The following CUX1 variants were observed in gnomAD, a reference collection of about 807,000 sequenced individuals.
CUX1 encodes cut like homeobox 1.
A neutral mutation model predicts 158.8 loss-of-function variants in CUX1; 31 were observed. The ratio of observed to expected loss-of-function variants is 0.20; its 90% CI spans 0.15 to 0.26. CUX1 has a LOEUF of 0.26. Ranked by LOEUF, CUX1 falls within the 10% of genes least tolerant of loss-of-function variation. The pLI is 1.00. For missense variants in CUX1, 1,589 were observed against 2,014.6 expected (o/e 0.79, Z 4.04); for synonymous variants, 879 against 862.1 (o/e 1.02, Z -0.34).
At chr7:101,818,835 C>G (rs949950993) in intron 1 of CUX1, 1 of 152,120 alleles carries the variant, frequency 6.6e-6, no homozygotes, top group Non-Finnish European at 1.5e-5. Context: ...GTCAATAGAA[C>G]GAGTTTGGGA....
At chr7:101,941,205 A>C (rs1807668836) in intron 2 of CUX1, among the ~76,000 whole-genome samples, 2 of 152,124 alleles carry the variant, frequency 1.3e-5, no homozygotes, top group African/African-American at 4.8e-5. Flanking sequence ...TGGGGAACTC[A>C]CTGGGAGGAG....
intron 1 of CUX1, among the ~76,000 whole-genome samples, chr7:101,888,828 G>C (rs1163826277): frequency 6.6e-6 from 1 of 152,090 alleles, no homozygotes; most frequent in Non-Finnish European, 1.5e-5. Context: ...GACCTCAAGT[G>C]ATCCACCTGC....
At chr7:102,165,041 C>G (rs921568786) in intron 9 of CUX1, among the ~76,000 whole-genome samples, 1 of 152,080 alleles carries the variant, frequency 6.6e-6, no homozygotes, top group African/African-American at 2.4e-5. Context: ...TGAGGGTTCT[C>G]TCTTGTTGGT....
chr7:101,819,362 C>T (rs937093001), intron 1 of CUX1, among the ~76,000 whole-genome samples: 5 of 152,274 alleles, frequency 3.3e-5, no homozygotes, highest in East Asian at 1.9e-4. Flanking sequence ...CTCTTTGGGA[C>T]GGGGCCCGCC....
intron 1 of CUX1, among the ~76,000 whole-genome samples, chr7:101,849,912 ATTT>A (rs71106570): frequency 8.0e-5 from 10 of 124,294 alleles, no homozygotes; most frequent in African/African-American, 3.2e-4. Context: ...GTCTCATGCA[ATTT>A]TTTTTTTTTT....
At chr7:102,172,068 A>C (rs538104204) in intron 10 of CUX1, among the ~76,000 whole-genome samples, 72 of 152,150 alleles carry the variant, frequency 4.7e-4, no homozygotes, top group African/African-American at 1.7e-3. Context: ...ATTTCCACCC[A>C]ATCTGTGAAA....
chr7:102,094,498 A>G (rs949489923), intron 4 of CUX1, among the ~76,000 whole-genome samples: 1 of 152,220 alleles, frequency 6.6e-6, no homozygotes, highest in Non-Finnish European at 1.5e-5. Context: ...TGTCATTTTC[A>G]TATGTCACCG....
intron 9 of CUX1, among the ~76,000 whole-genome samples, chr7:102,163,974 G>A (rs1056935977): frequency 2.0e-5 from 3 of 152,122 alleles, no homozygotes; most frequent in Non-Finnish European, 4.4e-5. Flanking sequence ...AGTTATGTCC[G>A]AGCCTCATTC....
At chr7:101,935,001 T>C (rs1806747393) in intron 2 of CUX1, among the ~76,000 whole-genome samples, 1 of 152,114 alleles carries the variant, frequency 6.6e-6, no homozygotes, top group Non-Finnish European at 1.5e-5. Flanking sequence ...AGACAGCTGC[T>C]GGGACAGATC....
intron 20 of CUX1, among the ~76,000 whole-genome samples, chr7:102,208,688 G>A (rs1009652113): frequency 3.9e-5 from 6 of 152,168 alleles, no homozygotes; most frequent in African/African-American, 1.2e-4. Flanking sequence ...GCAGGAGAGC[G>A]AGCCTCTGTC....
At chr7:101,839,306 G>A (rs886484852) in intron 1 of CUX1, among the ~76,000 whole-genome samples, 2 of 151,234 alleles carry the variant, frequency 1.3e-5, no homozygotes, top group East Asian at 1.9e-4. Flanking sequence ...CCTCCCCCAA[G>A]CCCCTCCATG....
At chr7:102,044,644 A>G (rs1045950427) in intron 3 of CUX1, among the ~76,000 whole-genome samples, 26 of 152,238 alleles carry the variant, frequency 1.7e-4, no homozygotes, top group Middle Eastern at 3.4e-3. Flanking sequence ...AAGTGGTTAC[A>G]TAAAACATTC....
At chr7:101,923,017 C>T (rs73185825) in intron 2 of CUX1, among the ~76,000 whole-genome samples, 4,733 of 152,316 alleles carry the variant, frequency 0.031, 91 homozygotes, top group Non-Finnish European at 0.041. Context: ...TGGCTTTGAT[C>T]GCGGTCAAAC....
intron 1 of CUX1, among the ~76,000 whole-genome samples, chr7:101,821,505 A>C (rs1252123547): frequency 7.6e-6 from 1 of 132,198 alleles, no homozygotes; most frequent in Non-Finnish European, 1.6e-5. Flanking sequence ...GGCCTGGCTA[A>C]TTTTTTGTAT....
At chr7:101,886,496 C>A (rs143237795) in intron 1 of CUX1, among the ~76,000 whole-genome samples, 5 of 152,196 alleles carry the variant, frequency 3.3e-5, no homozygotes, top group Admixed American at 3.3e-4. Context: ...CCACTATGCT[C>A]GGCCGGCACC....
chr7:101,980,508 C>T (rs1813298471), intron 2 of CUX1, among the ~76,000 whole-genome samples: 1 of 152,104 alleles, frequency 6.6e-6, no homozygotes, highest in African/African-American at 2.4e-5. Flanking sequence ...GACCCTGTTT[C>T]CAATTAAAAC....
At chr7:102,138,966 C>T (rs1318649573) in intron 8 of CUX1, among the ~76,000 whole-genome samples, 5 of 152,180 alleles carry the variant, frequency 3.3e-5, no homozygotes, top group South Asian at 2.1e-4. Flanking sequence ...TCAGCTTGGC[C>T]GGGCATTGTG....
rs144030009 is a variant in CUX1, at chr7:102,257,806, G to A, written c.*8764G>A. 1.2e-5 allele frequency: 12 copies of A among 981,988 alleles called. No individual in the cohort carries two copies. The East Asian group carries it at 1.4e-3, about 113-fold the overall frequency. 60.8% of individuals were successfully genotyped at this position (981,988 alleles called of 1,614,324 possible). ...CAAGTCTTAGATCTTTCTAGAGCTT[G>A]TTTGTTCATCCTCACAATCACAGAT... On this transcript the variant is annotated 3_prime_UTR_variant, in exon 24 of 24. Transcript: ENST00000292535.
At chr7:102,016,509 CA>C (rs1292187038) in intron 2 of CUX1, among the ~76,000 whole-genome samples, 1 of 152,172 alleles carries the variant, frequency 6.6e-6, no homozygotes, top group East Asian at 1.9e-4. Flanking sequence ...TGCTGTTCTT[CA>C]AAAAATAATG....
Sources: allele counts gnomAD v4.1 joint callset (sites outside exome capture counted in the v4.1 genomes callset), GRCh38; gene constraint gnomAD v4.1.1; transcripts MANE v1.5; gene names NCBI Gene and HGNC (gene_info 2026-07-23, HGNC 2026-07-21).